DNER: variants seen among roughly 807,000 people sequenced by gnomAD.
DNER encodes delta and Notch-like epidermal growth factor-related receptor.
A neutral mutation model predicts 78.2 loss-of-function variants in DNER; 33 were observed. The ratio of observed to expected loss-of-function variants is 0.42; its 90% CI spans 0.32 to 0.56. DNER has a LOEUF of 0.56. DNER is among the 20% of genes least tolerant of loss of function. DNER has a pLI of 0.11. For missense variants in DNER, 918 were observed against 975.3 expected (o/e 0.94, Z 0.78); for synonymous variants, 417 against 384.8 (o/e 1.08, Z -0.98).
rs148166473 is a variant in DNER at position 229,444,979 on chromosome 2, T to C, written c.1486+2337A>G. On this transcript the variant is annotated intron_variant, in intron 8 of 12. Transcript: ENST00000341772. ...AATATTTAATTCTTCTTTGTGGGGC[T>C]TCACAGAGAGAACGGAACTCTCAGG... Among the ~76,000 whole-genome samples the C allele has an allele frequency of 2.9e-3, 446 of 152,326 alleles. 4 individuals carry two copies. Among genetic ancestry groups the C allele is most frequent in the African/African-American group, 9.8e-3 (408 of 41,556 alleles).
At chr2:229,581,586 T>C (rs1697398079) in intron 4 of DNER, among the ~76,000 whole-genome samples, 1 of 152,228 alleles carries the variant, frequency 6.6e-6, no homozygotes, top group African/African-American at 2.4e-5. Context: ...ACACACTTGG[T>C]AAAAAGTTCT....
At chr2:229,564,897 A>G (rs886191865) in intron 4 of DNER, among the ~76,000 whole-genome samples, 5 of 152,196 alleles carry the variant, frequency 3.3e-5, no homozygotes, top group African/African-American at 1.2e-4. Flanking sequence ...AAGTAGATTG[A>G]GTTCCACTGA....
chr2:229,438,349 G>T (rs375561959), intron 8 of DNER, among the ~76,000 whole-genome samples: 2 of 152,200 alleles, frequency 1.3e-5, no homozygotes, highest in East Asian at 3.9e-4. Context: ...CTGGAATCTT[G>T]TTCTTGTGAT....
At chr2:229,526,467 A>AC (rs1347274461) in intron 5 of DNER, among the ~76,000 whole-genome samples, 35 of 152,154 alleles carry the variant, frequency 2.3e-4, no homozygotes, top group African/African-American at 8.4e-4. Flanking sequence ...GCAGTCCCCA[A>AC]CCTTTTTGGC....
At chr2:229,386,130 G>C (rs1692857978) in intron 11 of DNER, among the ~76,000 whole-genome samples, 1 of 152,028 alleles carries the variant, frequency 6.6e-6, no homozygotes, top group African/African-American at 2.4e-5. Context: ...GATGTACAGA[G>C]TAATGGAAAA....
chr2:229,697,891 T>C (rs1032680885), intron 1 of DNER, among the ~76,000 whole-genome samples: 4 of 152,064 alleles, frequency 2.6e-5, no homozygotes, highest in African/African-American at 9.7e-5. Flanking sequence ...GGCATGCATG[T>C]AGAAGTAGAA....
At chr2:229,421,062 A>G (rs1423222089) in intron 8 of DNER, among the ~76,000 whole-genome samples, 3 of 152,256 alleles carry the variant, frequency 2.0e-5, no homozygotes, top group East Asian at 3.8e-4. Flanking sequence ...AAAGTGGTAC[A>G]TAATACAATG....
At chr2:229,456,732 C>T (rs1322563098) in intron 7 of DNER, among the ~76,000 whole-genome samples, 2 of 152,002 alleles carry the variant, frequency 1.3e-5, no homozygotes, top group Non-Finnish European at 2.9e-5. Context: ...CTATTTTCCC[C>T]CTTCATCCAT....
chr2:229,629,095 G>A (rs538479324), intron 1 of DNER, among the ~76,000 whole-genome samples: 2 of 152,286 alleles, frequency 1.3e-5, no homozygotes, highest in South Asian at 4.1e-4. Flanking sequence ...CTGAATCTCA[G>A]CTCTGTAGAT....
Position 229,493,200 on chromosome 2 carries a change from C to T in DNER, c.1148-15947G>A, listed in dbSNP as rs529903298. ...AACATTCCCGTTGCCTCGGAAATAA[C>T]GAGTTTTTAAAAATAGGCTGAAATC... On this transcript the variant is annotated intron_variant, in intron 6 of 12. Coordinates refer to ENST00000341772, the MANE Select transcript of DNER (RefSeq NM_139072.4). 1.4e-4 allele frequency among the ~76,000 whole-genome samples: 21 copies of T among 152,200 alleles called. 1 individual carries two copies. Among genetic ancestry groups the T allele is most frequent in the African/African-American group, 3.9e-4 (16 of 41,532 alleles).
At chr2:229,428,089 AAAAG>A (rs1693921391) in intron 8 of DNER, among the ~76,000 whole-genome samples, 2 of 151,596 alleles carry the variant, frequency 1.3e-5, no homozygotes, top group South Asian at 2.1e-4. Flanking sequence ...AAAAAAAAAA[AAAAG>A]AGAAAAAAAG....
intron 6 of DNER, among the ~76,000 whole-genome samples, chr2:229,482,862 G>A (rs535260246): frequency 6.6e-6 from 1 of 152,114 alleles, no homozygotes; most frequent in Non-Finnish European, 1.5e-5. Flanking sequence ...CCTAAGAGAA[G>A]GGTATCAAAG....
chr2:229,621,379 C>A (rs1164415230), intron 1 of DNER, among the ~76,000 whole-genome samples: 1 of 152,136 alleles, frequency 6.6e-6, no homozygotes, highest in Non-Finnish European at 1.5e-5. Flanking sequence ...ATGAAAGTGT[C>A]ATATGAGGCC....
intron 10 of DNER, among the ~76,000 whole-genome samples, chr2:229,396,062 C>T (rs1693133728): frequency 6.6e-6 from 1 of 152,114 alleles, no homozygotes; most frequent in Non-Finnish European, 1.5e-5. Flanking sequence ...AGAGTCATGT[C>T]TTTGGATTGA....
At chr2:229,535,670 G>A (rs939408988) in intron 5 of DNER, among the ~76,000 whole-genome samples, 2 of 152,010 alleles carry the variant, frequency 1.3e-5, no homozygotes, top group Non-Finnish European at 2.9e-5. Context: ...CTGAGACAGA[G>A]TCTCACTCTG....
At chr2:229,465,801 G>A (rs1694792573) in intron 7 of DNER, among the ~76,000 whole-genome samples, 1 of 152,092 alleles carries the variant, frequency 6.6e-6, no homozygotes, top group Admixed American at 6.6e-5. Context: ...TCGAAAGGCA[G>A]GGAAGGAAAA....
intron 12 of DNER, among the ~76,000 whole-genome samples, chr2:229,359,632 C>T (rs1375328250): frequency 1.3e-5 from 2 of 152,068 alleles, no homozygotes; most frequent in African/African-American, 4.8e-5. Flanking sequence ...GATGGGGTCC[C>T]TAGGAATTAA....
intron 1 of DNER, among the ~76,000 whole-genome samples, chr2:229,645,329 A>T (rs751026119): frequency 5.9e-5 from 9 of 152,198 alleles, no homozygotes; most frequent in Non-Finnish European, 1.3e-4. Flanking sequence ...TTTGTATTGG[A>T]TATTGAACAA....
intron 1 of DNER, among the ~76,000 whole-genome samples, chr2:229,612,017 C>G (rs899303127): frequency 2.0e-5 from 3 of 152,182 alleles, no homozygotes; most frequent in Non-Finnish European, 4.4e-5. Context: ...TCAATCACAG[C>G]GTGGATTAAG....
Sources: gnomAD v4.1 joint callset for allele counts (sites outside exome capture counted in the v4.1 genomes callset) on GRCh38, gnomAD v4.1.1 for gene constraint, MANE v1.5 for transcripts, NCBI Gene and HGNC (gene_info 2026-07-23, HGNC 2026-07-21) for gene names.